Variants in NKIRAS1 observed in about 807,000 individuals in gnomAD.
NKIRAS1 encodes the protein NFKB inhibitor interacting Ras like 1, also known as NF-kappa-B inhibitor-interacting Ras-like protein 1.
A neutral mutation model predicts 19.8 loss-of-function variants in NKIRAS1; 16 were observed. The ratio of observed to expected loss-of-function variants is 0.81; its 90% CI spans 0.55 to 1.23. NKIRAS1 has a LOEUF of 1.23. Among genes scored for constraint, NKIRAS1 ranks in the 50% most tolerant of loss-of-function variants. The pLI, the probability that NKIRAS1 is intolerant of heterozygous loss-of-function variation, is 0.00. For missense variants in NKIRAS1, 184 were observed against 220.0 expected (o/e 0.84, Z 1.04); for synonymous variants, 88 against 79.0 (o/e 1.11, Z -0.61).
chr3:23,914,187 CAG>C (rs1704062180), intron 1 of NKIRAS1, among the ~76,000 whole-genome samples: 3 of 139,338 alleles, frequency 2.2e-5, no homozygotes, highest in South Asian at 2.3e-4. Flanking sequence ...AAAAAAAAAA[CAG>C]AGAGTAAATA....
chr3:23,942,627 C>A (rs954380990), intron 1 of NKIRAS1, among the ~76,000 whole-genome samples: 2 of 152,032 alleles, frequency 1.3e-5, no homozygotes. Context: ...GACGGGGTTT[C>A]TCCACGTTGG....
At chr3:23,921,201 GTC>G (rs1049728481), upstream of NKIRAS1, among the ~76,000 whole-genome samples, 2 of 152,284 alleles carry the variant, frequency 1.3e-5, no homozygotes, top group South Asian at 2.1e-4. Context: ...GGTCAGCATT[GTC>G]TCTACAAGAA....
chr3:23,895,755 G>GCCC (rs1701917517), intron 4 of NKIRAS1, among the ~76,000 whole-genome samples: 1 of 152,100 alleles, frequency 6.6e-6, no homozygotes, highest in African/African-American at 2.4e-5. Flanking sequence ...TACCTTTGGT[G>GCCC]CCCTTCTACA....
rs745443884 is a variant in NKIRAS1 at position 23,910,854 on chromosome 3, T to C, written c.51A>G (p.Lys17=). 17 of 1,613,998 alleles carry C rather than the reference T, an allele frequency of 1.1e-5. No individual in the cohort carries two copies. Among genetic ancestry groups the C allele is most frequent in the South Asian group, 6.6e-5 (6 of 91,090 alleles). ...AAAGGAGCTGCTCCAAAATTGCAGT[T>C]TTCCCCACAGATAACAATCCACAAA... ...VVVCGLLSVG[K]TAILEQLLYG... Residue 17 remains lysine (K), a synonymous_variant, in exon 3 of 5, where the codon AAA becomes AAG. Coordinates refer to ENST00000425478, the MANE Select transcript of NKIRAS1 (RefSeq NM_020345.4).
chr3:23,921,775 A>G (rs1050238169), upstream of NKIRAS1: 9 of 589,968 alleles, frequency 1.5e-5, no homozygotes, highest in African/African-American at 7.6e-5. Context: ...GGGTTTCACT[A>G]TGTTGGCCAG....
chr3:23,921,906 A>G (rs760555611), upstream of NKIRAS1: 22 of 385,614 alleles, frequency 5.7e-5, no homozygotes, highest in Non-Finnish European at 7.4e-5. Context: ...ACAGGATCTC[A>G]CTATGTTGCC....
chr3:23,921,570 G>GTTTTTTTT (rs71622703), upstream of NKIRAS1: 28 of 508,910 alleles, frequency 5.5e-5, no homozygotes, highest in Middle Eastern at 5.6e-4. Context: ...TGATTATTGA[G>GTTTTTTTT]TTTTTTTTTT....
upstream of NKIRAS1, chr3:23,921,860 C>A: frequency 2.0e-6 from 1 of 493,710 alleles, no homozygotes; most frequent in Admixed American, 3.8e-5. Context: ...CAGGCGTGAG[C>A]CACCACCCCC....
At chr3:23,935,220 A>AC (rs924216902) in intron 1 of NKIRAS1, among the ~76,000 whole-genome samples, 69 of 151,592 alleles carry the variant, frequency 4.6e-4, no homozygotes, top group Non-Finnish European at 7.1e-4. Flanking sequence ...TTAAAAAAAA[A>AC]CCCTGACAAT....
intron 1 of NKIRAS1, among the ~76,000 whole-genome samples, chr3:23,942,715 C>A (rs189251366): frequency 6.6e-6 from 1 of 152,280 alleles, no homozygotes; most frequent in East Asian, 1.9e-4. Flanking sequence ...GCCACCGCTC[C>A]CGGCCTCAAA....
At chr3:23,936,569 C>T (rs565193469) in intron 1 of NKIRAS1, among the ~76,000 whole-genome samples, 16 of 151,958 alleles carry the variant, frequency 1.1e-4, no homozygotes, top group Admixed American at 5.9e-4. Context: ...TCTTTTGAGA[C>T]GGAGTCTCCC....
At chr3:23,924,002 A>T (rs1469443837) in intron 1 of NKIRAS1, 1 of 152,224 alleles carries the variant, frequency 6.6e-6, no homozygotes, top group Non-Finnish European at 1.5e-5. Context: ...TCATGCATTT[A>T]GGTTGGGGTC....
upstream of NKIRAS1, chr3:23,919,122 G>T: frequency 2.0e-6 from 2 of 1,007,560 alleles, no homozygotes; most frequent in Non-Finnish European, 3.1e-6. Context: ...CTAGAGTTGA[G>T]AATTAAAATT....
At chr3:23,939,314 G>A (rs969944634) in intron 1 of NKIRAS1, among the ~76,000 whole-genome samples, 2 of 152,094 alleles carry the variant, frequency 1.3e-5, no homozygotes, top group Non-Finnish European at 2.9e-5. Flanking sequence ...AAGATAAAGA[G>A]CAGAAATCAA....
At chr3:23,920,898 C>CA (rs774260484), upstream of NKIRAS1, 118 of 433,102 alleles carry the variant, frequency 2.7e-4, no homozygotes, top group Middle Eastern at 1.2e-3. Context: ...TACTTTAAAG[C>CA]AAACCAAATG....
rs149465124 is a variant in NKIRAS1, at chr3:23,892,831, A to C, written c.*264T>G. 1.9e-3 allele frequency: 499 copies of C among 258,430 alleles called. No individual in the cohort carries two copies. The highest frequency in any genetic ancestry group is 0.017 in the Middle Eastern group (15 of 860). The allele number at this position is 258,430 out of a possible 1,614,324, so 16.0% of individuals were successfully genotyped here. The stretch of plus-strand genomic sequence containing the variant: ...TCCAAACTATTTTACTGTTTTCACA[A>C]GTACAACATAAATAACAAAGGTGCT... On this transcript the variant is annotated 3_prime_UTR_variant, in exon 5 of 5. Coordinates refer to ENST00000425478, the MANE Select transcript of NKIRAS1 (RefSeq NM_020345.4).
At chr3:23,934,036 G>A (rs1322905460) in intron 1 of NKIRAS1, among the ~76,000 whole-genome samples, 1 of 152,136 alleles carries the variant, frequency 6.6e-6, no homozygotes, top group Non-Finnish European at 1.5e-5. Flanking sequence ...TAATACTATC[G>A]CATAGTGATT....
In NKIRAS1 at chr3:23,927,371, G is replaced by A. The variant is rs185288790; in HGVS notation, c.-139-15921C>T. 2.0e-5 allele frequency among the ~76,000 whole-genome samples: 3 copies of A among 151,896 alleles called. No individual in the cohort carries two copies. The highest frequency in any genetic ancestry group is 7.2e-5 in the African/African-American group (3 of 41,442). ...CCCCATCTCTATATTTCTTAGTTGA[G>A]GAAAGAAAAAAAAACCTACTGCGAA... is the stretch of plus-strand genomic sequence containing the variant. On this transcript the variant is annotated intron_variant, in intron 1 of 4. Coordinates refer to the NKIRAS1 transcript ENST00000421515. The surrounding 1 kb of genome is among the most constrained non-coding windows in gnomAD (Gnocchi z 4.0).
chr3:23,945,769 G>A (rs1003617164), intron 1 of NKIRAS1, among the ~76,000 whole-genome samples: 1 of 150,200 alleles, frequency 6.7e-6, no homozygotes, highest in African/African-American at 2.4e-5. Flanking sequence ...GCCGCCCGGC[G>A]CCCGCCCTCT....
Sources: allele counts gnomAD v4.1 joint callset (sites outside exome capture counted in the v4.1 genomes callset), GRCh38; gene constraint gnomAD v4.1.1; non-coding constraint Gnocchi (gnomAD v3.1); transcripts MANE v1.5; gene names NCBI Gene and HGNC (gene_info 2026-07-23, HGNC 2026-07-21).